The following MORF4L1 variants were observed in gnomAD, a reference collection of about 807,000 sequenced individuals.
MORF4L1 encodes the protein mortality factor 4-like protein 1.
In MORF4L1, 4 loss-of-function variants were observed where a neutral mutation model predicts 52.9. The ratio of observed to expected loss-of-function variants is 0.08; its 90% CI spans 0.04 to 0.17. The LOEUF (loss-of-function observed/expected upper bound fraction) is 0.17. Ranked by LOEUF, MORF4L1 falls within the 10% of genes least tolerant of loss-of-function variation. The pLI is 1.00. For synonymous variants in MORF4L1, 123 were observed against 134.8 expected (o/e 0.91, Z 0.61); for missense variants, 214 against 390.4 (o/e 0.55, Z 3.81).
At chr15:78,891,294 T>G (rs1244120081) in intron 6 of MORF4L1, 190 bp from the exon 7 acceptor site, 1 of 652,452 alleles carries the variant, frequency 1.5e-6, no homozygotes, top group East Asian at 2.8e-5. Context: ...AAATGTTGTC[T>G]ATACTAAATG....
intron 4 of MORF4L1, 23 bp from the exon 5 acceptor site, chr15:78,887,246 C>T: frequency 6.3e-7 from 1 of 1,581,192 alleles, no homozygotes; most frequent in Non-Finnish European, 8.6e-7. Context: ...TTTATGTTGA[C>T]ATTACTGAAA....
rs371668355 is a variant in MORF4L1, at chr15:78,892,301, C to G, written c.528C>G (p.Thr176=). ...PWLVDDWDLI[T]RQKQLFYLPA... is the part of the protein sequence containing the mutation. ...TTGTTGATGACTGGGACTTAATTAC[C>G]AGGCAAAAACAGGTAACTTGAAAAG... The change falls in exon 8 of 12, where the codon ACC becomes ACG. Residue 176 remains threonine (T), a synonymous_variant. Coordinates refer to ENST00000426013, the MANE Select transcript of MORF4L1 (RefSeq NM_006791.4). The G allele has an allele frequency of 1.2e-6, 2 of 1,610,536 alleles. No individual in the cohort carries two copies. The highest frequency in any genetic ancestry group is 1.7e-6 in the Non-Finnish European group (2 of 1,177,214).
intron 5 of MORF4L1, among the ~76,000 whole-genome samples, chr15:78,890,440 C>T (rs187871011): frequency 1.0e-4 from 15 of 150,732 alleles, no homozygotes; most frequent in Admixed American, 5.9e-4. Flanking sequence ...ATTAATATAA[C>T]CCTGGAAGAA....
chr15:78,898,068 C>T lies in MORF4L1; in HGVS notation c.*1001C>T, dbSNP rs763259341. ...ATAATTGTTTACTTTTGTGGGTTTA[C>T]TCTAGAAACATGAGCCAAAAATGTC... On this transcript the variant is annotated 3_prime_UTR_variant, in exon 12 of 12. Coordinates refer to ENST00000426013, the MANE Select transcript of MORF4L1 (RefSeq NM_006791.4). 8 of 151,984 alleles carry T rather than the reference C, an allele frequency of 5.3e-5. No homozygotes were observed. Among genetic ancestry groups the T allele is most frequent in the Non-Finnish European group, 1.0e-4 (7 of 68,016 alleles). The allele number at this position is 151,984 out of a possible 1,614,324, so 9.4% of individuals were successfully genotyped here.
At chr15:78,876,865 C>T (rs562473580) in intron 1 of MORF4L1, among the ~76,000 whole-genome samples, 104 of 152,128 alleles carry the variant, frequency 6.8e-4, no homozygotes, top group Non-Finnish European at 1.2e-3. Context: ...GTTAATAGGT[C>T]GTGCTCTGGG....
At chr15:78,885,172 C>T (rs752535657) in intron 3 of MORF4L1, 17 of 1,015,454 alleles carry the variant, frequency 1.7e-5, no homozygotes, top group Non-Finnish European at 2.3e-5. Context: ...TATAAGAGGT[C>T]AGAGGTGGGA....
Position 78,891,175 on chromosome 15 carries a change from CCT to C in MORF4L1, c.349+164_349+165del, listed in dbSNP as rs141720915. On this transcript the variant is annotated intron_variant, in intron 6 of 11. Coordinates refer to ENST00000426013, the MANE Select transcript of MORF4L1 (RefSeq NM_006791.4). ...TAAAATAGGTACATGGTGGTAGAGACCTCTTTTTGCCAAGGAGAAACTTGTGA... is the reference window on the plus strand; with the variant it reads ...TAAAATAGGTACATGGTGGTAGAGACCTTTTTGCCAAGGAGAAACTTGTGA... 552 of 893,892 alleles carry C rather than the reference CCT, an allele frequency of 6.2e-4. 2 individuals carry two copies. The African/African-American group carries it at 8.0e-3, about 13-fold the overall frequency. 55.4% of individuals were successfully genotyped at this position (893,892 alleles called of 1,614,324 possible). A position where few individuals can be genotyped will look rare whatever the true frequency, so the allele number is the denominator to read the frequency against.
intron 1 of MORF4L1, among the ~76,000 whole-genome samples, chr15:78,875,070 C>T (rs1411815738): frequency 6.6e-6 from 1 of 152,078 alleles, no homozygotes; most frequent in Non-Finnish European, 1.5e-5. Context: ...GCAGCCAAGT[C>T]TTGTTTGTCC....
At chr15:78,882,355 G>C (rs2056618419) in intron 3 of MORF4L1, among the ~76,000 whole-genome samples, 1 of 139,204 alleles carries the variant, frequency 7.2e-6, no homozygotes, top group African/African-American at 2.8e-5. Context: ...AATAATGATA[G>C]GTAATATTTA....
intron 7 of MORF4L1, 141 bp from the exon 8 acceptor site, chr15:78,892,071 T>A: frequency 5.7e-6 from 3 of 527,966 alleles, no homozygotes; most frequent in Non-Finnish European, 6.8e-6. Context: ...TTTTTATTAA[T>A]GATTTTAAAA....
Position 78,897,256 on chromosome 15 carries a change from T to TTC in MORF4L1, c.*189_*190insTC. 2.1e-6 allele frequency: 1 copy of TTC among 476,334 alleles called. No homozygotes were observed. Among genetic ancestry groups the TTC allele is most frequent in the Non-Finnish European group, 3.9e-6 (1 of 255,780 alleles). 29.5% of individuals were successfully genotyped at this position (476,334 alleles called of 1,614,324 possible). A position where few individuals can be genotyped will look rare whatever the true frequency, so the allele number is the denominator to read the frequency against. ...CTTTTTTCTTCTTTCTTTTTTTTTTTCATTTCAAAATTGCTGCCAGTGTTT... is the reference window on the plus strand; with the variant it reads ...CTTTTTTCTTCTTTCTTTTTTTTTTTTCCATTTCAAAATTGCTGCCAGTGTTT... On this transcript the variant is annotated 3_prime_UTR_variant, in exon 12 of 12. Transcript: ENST00000426013.
intron 3 of MORF4L1, among the ~76,000 whole-genome samples, chr15:78,883,501 C>T (rs533956752): frequency 5.9e-5 from 9 of 152,140 alleles, no homozygotes; most frequent in Admixed American, 3.3e-4. Flanking sequence ...TTTATTGTTT[C>T]GAAAAATAAT....
At chr15:78,888,548 CTT>C (rs1256149747) in intron 5 of MORF4L1, among the ~76,000 whole-genome samples, 17 of 151,902 alleles carry the variant, frequency 1.1e-4, no homozygotes, top group Non-Finnish European at 2.4e-4. Context: ...AAAATTATAA[CTT>C]TTATTAAGAG....
Position 78,878,211 on chromosome 15 carries a change from A to C in MORF4L1, c.41-2A>C. ...AATTCAGTACTTTTTCTCCCTTTAC[A>C]GGTGAGCGAGTGCTGTGCTTTCATG... On this transcript the variant is annotated splice_acceptor_variant, in intron 1 of 11. Transcript: ENST00000426013. LOFTEE classifies it high-confidence loss of function. 6.2e-7 allele frequency: 1 copy of C among 1,611,290 alleles called. No individual in the cohort carries two copies. Among genetic ancestry groups the C allele is most frequent in the Non-Finnish European group, 8.5e-7 (1 of 1,179,208 alleles).
Position 78,891,006 on chromosome 15 carries a change from A to G in MORF4L1, c.341A>G (p.Lys114Arg). 2.0e-6 allele frequency: 3 copies of G among 1,463,684 alleles called. No individual in the cohort carries two copies. Among genetic ancestry groups the G allele is most frequent in the Non-Finnish European group, 2.8e-6 (3 of 1,087,372 alleles). The allele number at this position is 1,463,684 out of a possible 1,614,324, so 90.7% of individuals were successfully genotyped here. A position where few individuals can be genotyped will look rare whatever the true frequency, so the allele number is the denominator to read the frequency against. ...CCTTTTAGGAAAACGAAAAAGAACAAACAGAAAAGTAAGAATATTAACTTT... is the reference window on the plus strand; with the variant it reads ...CCTTTTAGGAAAACGAAAAAGAACAGACAGAAAAGTAAGAATATTAACTTT... ...KNVEVKTKKN[K>R]QKTPGNGDGG... The change falls in exon 6 of 12, where the codon AAA (lysine) becomes AGA (arginine). Residue 114 changes from lysine (K) to arginine (R), a missense_variant. Lys to Arg is a conservative substitution (Grantham distance 26). Coordinates refer to ENST00000426013, the MANE Select transcript of MORF4L1 (RefSeq NM_006791.4).
chr15:78,890,772 G>A (rs1036937986), intron 5 of MORF4L1: 1 of 343,112 alleles, frequency 2.9e-6, no homozygotes, highest in African/African-American at 2.2e-5. Flanking sequence ...ATGTGCCACT[G>A]CGCCTGGCTT....
rs1270568580 is a variant in MORF4L1, at chr15:78,893,929, C to T, written c.630-129C>T. 1.2e-5 allele frequency: 10 copies of T among 859,484 alleles called. No homozygotes were observed. The South Asian group carries it at 1.9e-4, about 16-fold the overall frequency. 53.2% of individuals were successfully genotyped at this position (859,484 alleles called of 1,614,324 possible). ...TTTGTCAAACCCTGCTTTCATATGC[C>T]CTTTAAAAAAATCTCAGCTATGGTT... is the stretch of plus-strand genomic sequence containing the variant. On this transcript the variant is annotated intron_variant, in intron 9 of 11. Transcript: ENST00000426013.
intron 2 of MORF4L1, among the ~76,000 whole-genome samples, chr15:78,878,690 C>T (rs2056541676): frequency 6.6e-6 from 1 of 152,162 alleles, no homozygotes; most frequent in South Asian, 2.1e-4. Context: ...GTTGATTTGT[C>T]TGGCAAAGTT....
intron 3 of MORF4L1, among the ~76,000 whole-genome samples, chr15:78,883,268 G>A (rs988224728): frequency 2.7e-5 from 4 of 150,434 alleles, no homozygotes; most frequent in Non-Finnish European, 5.9e-5. Flanking sequence ...TACGACAAGG[G>A]AATAGAATAA....
Sources: allele counts gnomAD v4.1 joint callset (sites outside exome capture counted in the v4.1 genomes callset), GRCh38; gene constraint gnomAD v4.1.1; transcripts MANE v1.5; gene names NCBI Gene and HGNC (gene_info 2026-07-23, HGNC 2026-07-21).